Variants in RBFOX1 observed in about 807,000 individuals in gnomAD.
RBFOX1 encodes RNA binding protein fox-1 homolog 1.
RBFOX1 carries 8 observed loss-of-function variants against 57.7 expected under a neutral mutation model. The ratio of observed to expected loss-of-function variants is 0.14; its 90% CI spans 0.08 to 0.25. RBFOX1 has a LOEUF of 0.25. Among genes scored for constraint, RBFOX1 ranks in the 10% least tolerant of loss-of-function variants. RBFOX1 has a pLI of 1.00. For synonymous variants in RBFOX1, 326 were observed against 222.4 expected, an observed-to-expected ratio of 1.47 and a Z score of -4.15; for missense variants, 611 against 548.5, an observed-to-expected ratio of 1.11 and a Z score of -1.14.
At chr16:6,517,252 A>T (rs17443349) in intron 2 of RBFOX1, among the ~76,000 whole-genome samples, 11,722 of 152,174 alleles carry the variant, frequency 0.077, 688 homozygotes, top group Non-Finnish European at 0.12. Context: ...GCATTTTGAC[A>T]TCACCCACAA....
At chr16:6,621,132 T>C (rs901265231) in intron 2 of RBFOX1, among the ~76,000 whole-genome samples, 17 of 152,188 alleles carry the variant, frequency 1.1e-4, no homozygotes, top group African/African-American at 3.9e-4. Flanking sequence ...TCTGGGTGTC[T>C]CTGTATTTTA....
intron 12 of RBFOX1, among the ~76,000 whole-genome samples, chr16:7,655,372 A>G (rs2066047460): frequency 6.6e-6 from 1 of 152,236 alleles, no homozygotes; most frequent in African/African-American, 2.4e-5. Flanking sequence ...AGCTCTCTCT[A>G]TGCATACACA....
intron 3 of RBFOX1, among the ~76,000 whole-genome samples, chr16:5,710,273 G>T (rs572490261): frequency 5.3e-5 from 8 of 152,262 alleles, no homozygotes; most frequent in African/African-American, 1.9e-4. Context: ...ATGTCACACA[G>T]CTTGTAAGGG....
chr16:6,910,009 G>T (rs953348620), intron 3 of RBFOX1, among the ~76,000 whole-genome samples: 1 of 151,888 alleles, frequency 6.6e-6, no homozygotes, highest in African/African-American at 2.4e-5. Flanking sequence ...TTGTTTGTTT[G>T]GTTTGTTTAC....
At chr16:7,438,214 T>A (rs1354521509) in intron 4 of RBFOX1, among the ~76,000 whole-genome samples, 2 of 152,200 alleles carry the variant, frequency 1.3e-5, no homozygotes, top group Admixed American at 6.5e-5. Context: ...GTACAGTGGC[T>A]ACAGAGAGTT....
intron 1 of RBFOX1, among the ~76,000 whole-genome samples, chr16:6,079,343 G>C (rs940146120): frequency 1.3e-5 from 2 of 152,076 alleles, no homozygotes; most frequent in African/African-American, 4.8e-5. Context: ...ATAGGGTCTT[G>C]CTCTGTTTGC....
intron 4 of RBFOX1, among the ~76,000 whole-genome samples, chr16:7,437,994 A>G (rs2098736390): frequency 6.6e-6 from 1 of 152,126 alleles, no homozygotes; most frequent in African/African-American, 2.4e-5. Flanking sequence ...GCACTTTAGA[A>G]GTCCACGTGG....
At position 6,666,143 on chromosome 16, in the gene RBFOX1, T is replaced by C. The variant is rs879525621; in HGVS notation, c.-16+11493T>C. The stretch of plus-strand genomic sequence containing the variant: ...ATGAGACCTGCCAGCCACATGGAAC[T>C]GTGAGTCTATTAAACCTTTCTTTCT... On this transcript the variant is annotated intron_variant, in intron 3 of 15. Transcript: ENST00000550418. 5.7e-4 allele frequency among the ~76,000 whole-genome samples: 87 copies of C among 152,194 alleles called. 1 individual carries two copies. Among genetic ancestry groups the C allele is most frequent in the Non-Finnish European group, 1.3e-4 (9 of 68,040 alleles).
At chr16:6,791,788 C>T (rs940427514) in intron 3 of RBFOX1, among the ~76,000 whole-genome samples, 8 of 152,044 alleles carry the variant, frequency 5.3e-5, no homozygotes, top group Non-Finnish European at 1.0e-4. Context: ...AGGTGCAGGA[C>T]CCTTTGAGTG....
At chr16:7,182,297 C>G (rs939610489) in intron 4 of RBFOX1, among the ~76,000 whole-genome samples, 9 of 151,948 alleles carry the variant, frequency 5.9e-5, no homozygotes, top group East Asian at 3.9e-4. Flanking sequence ...GGTTGAATTC[C>G]GAGAGTCACC....
chr16:6,877,206 T>G (rs1291515376), intron 3 of RBFOX1, among the ~76,000 whole-genome samples: 1 of 152,174 alleles, frequency 6.6e-6, no homozygotes. Context: ...AAAAGTGCAT[T>G]TAACATTTTT....
intron 4 of RBFOX1, among the ~76,000 whole-genome samples, chr16:7,239,558 G>C (rs577442102): frequency 2.0e-5 from 3 of 152,074 alleles, no homozygotes; most frequent in African/African-American, 7.2e-5. Flanking sequence ...AAGTGAAATT[G>C]TCCTGTCAAG....
chr16:6,970,815 C>G (rs2085369491), intron 3 of RBFOX1, among the ~76,000 whole-genome samples: 1 of 152,110 alleles, frequency 6.6e-6, no homozygotes, highest in Non-Finnish European at 1.5e-5. Flanking sequence ...AGGAGACTGG[C>G]AAAAGTGACT....
At chr16:7,211,085 T>C (rs1398311016) in intron 4 of RBFOX1, among the ~76,000 whole-genome samples, 1 of 144,362 alleles carries the variant, frequency 6.9e-6, no homozygotes, top group African/African-American at 2.5e-5. Context: ...TACATACACT[T>C]AAAAAAAAAA....
At chr16:6,972,060 T>C (rs1388871074) in intron 3 of RBFOX1, among the ~76,000 whole-genome samples, 1 of 152,176 alleles carries the variant, frequency 6.6e-6, no homozygotes, top group African/African-American at 2.4e-5. Context: ...TTTGTTTCCT[T>C]AACAAAGAGA....
intron 3 of RBFOX1, among the ~76,000 whole-genome samples, chr16:7,019,979 C>CTTT (rs60617980): frequency 1.4e-5 from 2 of 143,660 alleles, no homozygotes; most frequent in African/African-American, 5.1e-5. Context: ...CTGGCTCTCT[C>CTTT]TTTTTTTTTT....
chr16:7,687,824 G>A (rs537092262), intron 14 of RBFOX1, among the ~76,000 whole-genome samples: 7 of 152,042 alleles, frequency 4.6e-5, no homozygotes, highest in Middle Eastern at 6.8e-3. Flanking sequence ...TTCCTGAAGA[G>A]GCAAGATACA....
chr16:7,272,158 A>G (rs2095333948), intron 4 of RBFOX1, among the ~76,000 whole-genome samples: 1 of 152,192 alleles, frequency 6.6e-6, no homozygotes, highest in African/African-American at 2.4e-5. Context: ...TTAAATGTTA[A>G]TAGATTACTC....
chr16:5,887,142 G>T (rs532506614), intron 4 of RBFOX1, among the ~76,000 whole-genome samples: 3 of 152,268 alleles, frequency 2.0e-5, no homozygotes, highest in Non-Finnish European at 4.4e-5. Context: ...AGGAGGTGAG[G>T]AGTAACTTGC....
Sources: allele counts gnomAD v4.1 joint callset (sites outside exome capture counted in the v4.1 genomes callset), GRCh38; gene constraint gnomAD v4.1.1; transcripts MANE v1.5; gene names NCBI Gene and HGNC (gene_info 2026-07-23, HGNC 2026-07-21).